Variants in HDAC9 observed in about 807,000 individuals in gnomAD.
The protein encoded by HDAC9 is MEF-2 interacting transcription repressor (MITR) protein.
HDAC9 carries 41 observed loss-of-function variants against 139.4 expected under a neutral mutation model. The observed-to-expected ratio is 0.29, with a 90% CI of 0.23 to 0.38. The LOEUF (loss-of-function observed/expected upper bound fraction) is 0.38, where lower values mean the gene tolerates loss of function less well. Ranked by LOEUF, HDAC9 falls within the 10% of genes least tolerant of loss-of-function variation. The probability of loss-of-function intolerance (pLI) is 1.00; values close to 1 mark genes in which losing one functional copy is unlikely to be tolerated. For missense variants in HDAC9, 1,147 were observed against 1,297.0 expected (o/e 0.88, Z 1.78); for synonymous variants, 517 against 476.2 (o/e 1.09, Z -1.12).
At chr7:18,460,050 G>T (rs967833667) in intron 1 of HDAC9, among the ~76,000 whole-genome samples, 1 of 151,398 alleles carries the variant, frequency 6.6e-6, no homozygotes, top group African/African-American at 2.4e-5. Context: ...CTCTTGGGTA[G>T]CCGGGACTAC....
intron 25 of HDAC9, among the ~76,000 whole-genome samples, chr7:18,977,685 G>A (rs1310179374): frequency 2.6e-5 from 4 of 152,066 alleles, no homozygotes. Context: ...CTGATGTGCA[G>A]GAAAGCAGAG....
chr7:18,316,644 A>AAAG (rs1278689072), intron 1 of HDAC9, among the ~76,000 whole-genome samples: 5 of 150,206 alleles, frequency 3.3e-5, no homozygotes, highest in Non-Finnish European at 5.9e-5. Context: ...AAAAAAAAAA[A>AAAG]AAAAAAAATT....
chr7:18,872,486 T>C (rs1309374165), intron 21 of HDAC9, among the ~76,000 whole-genome samples: 1 of 152,134 alleles, frequency 6.6e-6, no homozygotes, highest in East Asian at 1.9e-4. Context: ...AAGGGCACTA[T>C]AAAGGTGAAT....
chr7:18,619,555 A>G (rs908576561), intron 6 of HDAC9, among the ~76,000 whole-genome samples: 1 of 152,184 alleles, frequency 6.6e-6, no homozygotes, highest in Admixed American at 6.6e-5. Flanking sequence ...TAACTTGACT[A>G]TGAAAGTGCA....
At chr7:18,230,240 C>T (rs1304251406) in intron 2 of HDAC9, among the ~76,000 whole-genome samples, 3 of 152,130 alleles carry the variant, frequency 2.0e-5, no homozygotes, top group Non-Finnish European at 4.4e-5. Context: ...TCCAGACCAG[C>T]TACATAATTT....
chr7:18,435,934 A>G lies in HDAC9; in HGVS notation c.-41-60328A>G, dbSNP rs1791158135. On this transcript the variant is annotated intron_variant, in intron 1 of 3. Coordinates refer to the HDAC9 transcript ENST00000413509. Reference sequence around the variant, plus strand: ...ATAATATATAAAGAGAGAGAGAAAGAACTGGAAAATTTATATATATATAAA... The same window carrying G: ...ATAATATATAAAGAGAGAGAGAAAGGACTGGAAAATTTATATATATATAAA... Among the ~76,000 whole-genome samples the G allele has an allele frequency of 5.4e-5, 8 of 147,488 alleles. No homozygotes were observed. The Admixed American group carries it at 5.4e-4, about 10-fold the overall frequency.
chr7:18,912,650 C>T (rs1351852158), intron 22 of HDAC9, among the ~76,000 whole-genome samples: 2 of 151,968 alleles, frequency 1.3e-5, no homozygotes, highest in Admixed American at 1.3e-4. Context: ...GTGCACTGGA[C>T]GGTTCTCTAT....
intron 24 of HDAC9, among the ~76,000 whole-genome samples, chr7:18,966,527 C>T (rs988711218): frequency 7.9e-5 from 12 of 152,128 alleles, no homozygotes; most frequent in African/African-American, 2.4e-4. Context: ...TGATGAAACC[C>T]TGTCTCTACT....
At chr7:18,741,105 G>A (rs1388646490) in intron 13 of HDAC9, among the ~76,000 whole-genome samples, 1 of 152,196 alleles carries the variant, frequency 6.6e-6, no homozygotes, top group African/African-American at 2.4e-5. Context: ...TGTTGATGTA[G>A]AAGCTACAAC....
intron 2 of HDAC9, among the ~76,000 whole-genome samples, chr7:18,270,278 A>G (rs1796271813): frequency 8.0e-6 from 1 of 125,374 alleles, no homozygotes; most frequent in Admixed American, 9.1e-5. Flanking sequence ...GCTTCTCAAT[A>G]AATGTTTGTA....
chr7:18,492,479 A>G (rs1796443354), upstream of HDAC9, among the ~76,000 whole-genome samples: 7 of 151,958 alleles, frequency 4.6e-5, no homozygotes, highest in South Asian at 1.4e-3. Flanking sequence ...ACTTTCATTT[A>G]CTATTAAATT....
chr7:18,232,240 C>T (rs1257967907), intron 2 of HDAC9, among the ~76,000 whole-genome samples: 1 of 152,098 alleles, frequency 6.6e-6, no homozygotes, highest in Non-Finnish European at 1.5e-5. Context: ...CTACTGTGTG[C>T]CACGTTTGTT....
chr7:18,392,760 G>A (rs1288749060), intron 1 of HDAC9, among the ~76,000 whole-genome samples: 1 of 151,694 alleles, frequency 6.6e-6, no homozygotes, highest in Non-Finnish European at 1.5e-5. Context: ...CTTCACATGG[G>A]AGGGGTCACT....
chr7:18,495,615 T>G (rs977370373), upstream of HDAC9: 3 of 349,862 alleles, frequency 8.6e-6, no homozygotes, highest in Non-Finnish European at 1.2e-5. Flanking sequence ...CACTCGGCCA[T>G]GCTTGACCTA....
At chr7:18,797,175 A>G (rs756791745) in intron 17 of HDAC9, among the ~76,000 whole-genome samples, 51 of 152,208 alleles carry the variant, frequency 3.4e-4, no homozygotes, top group Non-Finnish European at 6.9e-4. Flanking sequence ...TAACCTTTTA[A>G]GATCCTGCAG....
At chr7:18,132,979 G>A (rs556533475) in intron 1 of HDAC9, among the ~76,000 whole-genome samples, 1 of 152,244 alleles carries the variant, frequency 6.6e-6, no homozygotes, top group South Asian at 2.1e-4. Context: ...AACTGGCTGT[G>A]AACTTTGGGC....
chr7:18,301,293 ATGTC>A (rs1239204896), intron 1 of HDAC9, among the ~76,000 whole-genome samples: 3 of 152,304 alleles, frequency 2.0e-5, no homozygotes, highest in Non-Finnish European at 2.9e-5. Flanking sequence ...TAAAGATAGA[ATGTC>A]TGTATTCTCA....
intron 22 of HDAC9, among the ~76,000 whole-genome samples, chr7:18,907,733 G>C (rs1308456541): frequency 6.6e-6 from 1 of 151,888 alleles, no homozygotes; most frequent in Non-Finnish European, 1.5e-5. Context: ...GGGCAAACTT[G>C]AGAGAGCATG....
intron 17 of HDAC9, among the ~76,000 whole-genome samples, chr7:18,802,741 T>C (rs2520342): frequency 0.43 from 64,731 of 151,460 alleles, 15,343 homozygotes; most frequent in African/African-American, 0.64. Flanking sequence ...TTTATTAATA[T>C]TTAATAATTA....
Sources: gnomAD v4.1 joint callset for allele counts (sites outside exome capture counted in the v4.1 genomes callset) on GRCh38, gnomAD v4.1.1 for gene constraint, MANE v1.5 for transcripts, NCBI Gene and HGNC (gene_info 2026-07-23, HGNC 2026-07-21) for gene names.